RERE: variants seen among roughly 807,000 people sequenced by gnomAD.
RERE encodes arginine-glutamic acid dipeptide repeats, also known as arginine-glutamic acid dipeptide repeats protein.
In RERE, 40 loss-of-function variants were observed where a neutral mutation model predicts 146.1. The observed-to-expected ratio is 0.27, with a 90% CI of 0.21 to 0.36. The LOEUF is 0.36. Ranked by LOEUF, RERE falls within the 10% of genes least tolerant of loss-of-function variation. The pLI, the probability that RERE is intolerant of heterozygous loss-of-function variation, is 1.00. For synonymous variants in RERE, 1,003 were observed against 866.0 expected, an observed-to-expected ratio of 1.16 and a Z score of -2.78; for missense variants, 1,933 against 2,138.7, an observed-to-expected ratio of 0.90 and a Z score of 1.90.
chr1:8,781,846 A>G (rs1641171406), intron 1 of RERE, among the ~76,000 whole-genome samples: 1 of 152,074 alleles, frequency 6.6e-6, no homozygotes, highest in South Asian at 2.1e-4. Flanking sequence ...ATCTTAATAT[A>G]AAAGAAATCT....
chr1:8,660,202 C>A (rs1638422535), intron 1 of RERE, among the ~76,000 whole-genome samples: 1 of 152,006 alleles, frequency 6.6e-6, no homozygotes, highest in African/African-American at 2.4e-5. Flanking sequence ...AAATACAGCT[C>A]AATGGGAATA....
chr1:8,728,881 T>G (rs894796314), intron 1 of RERE, among the ~76,000 whole-genome samples: 2 of 152,142 alleles, frequency 1.3e-5, no homozygotes. Context: ...AAATAAACTT[T>G]TATAGCCAGG....
intron 6 of RERE, among the ~76,000 whole-genome samples, chr1:8,546,683 A>C (rs1222906860): frequency 1.3e-5 from 2 of 152,018 alleles, no homozygotes. Context: ...CCTTGTCTCT[A>C]CTAAAAATAC....
At chr1:8,691,948 T>C (rs1190634092) in intron 1 of RERE, among the ~76,000 whole-genome samples, 3 of 152,230 alleles carry the variant, frequency 2.0e-5, no homozygotes, top group Admixed American at 1.3e-4. Flanking sequence ...CAATTATTAC[T>C]GGATATATTA....
intron 1 of RERE, among the ~76,000 whole-genome samples, chr1:8,684,138 G>C (rs1639034719): frequency 6.6e-6 from 1 of 152,070 alleles, no homozygotes; most frequent in African/African-American, 2.4e-5. Context: ...ACACCAAAAG[G>C]ATCTTAGTAA....
At chr1:8,367,247 A>ACC (rs1557592398) in intron 12 of RERE, among the ~76,000 whole-genome samples, 1 of 152,036 alleles carries the variant, frequency 6.6e-6, no homozygotes, top group Non-Finnish European at 1.5e-5. Flanking sequence ...CATCCAAAAC[A>ACC]CCCCCAGAGG....
At chr1:8,426,957 C>T (rs1430471011) in intron 11 of RERE, among the ~76,000 whole-genome samples, 1 of 152,242 alleles carries the variant, frequency 6.6e-6, no homozygotes, top group Non-Finnish European at 1.5e-5. Context: ...ATAATTACAT[C>T]TTACACCTAG....
chr1:8,500,721 T>G (rs1645122948), intron 8 of RERE, among the ~76,000 whole-genome samples: 1 of 149,710 alleles, frequency 6.7e-6, no homozygotes, highest in Admixed American at 6.6e-5. Flanking sequence ...GTCTGGAAAG[T>G]GAGGAGCGTC....
At position 8,695,870 on chromosome 1, in the gene RERE, T is replaced by C. The variant is rs950455802; in HGVS notation, c.-144-39429A>G. Among the ~76,000 whole-genome samples, 4 of 152,040 alleles carry C rather than the reference T, an allele frequency of 2.6e-5. No individual in the cohort carries two copies. The East Asian group carries it at 7.7e-4, about 29-fold the overall frequency. On this transcript the variant is annotated intron_variant, in intron 1 of 22. Coordinates refer to ENST00000400908, the MANE Select transcript of RERE (RefSeq NM_001042681.2). ...AATACCCAGAATCTATAAGGAACTT[T>C]AACAATACAACAAGCAGAAAACAAA...
At chr1:8,531,220 G>C (rs921386576) in intron 7 of RERE, among the ~76,000 whole-genome samples, 1 of 152,062 alleles carries the variant, frequency 6.6e-6, no homozygotes, top group East Asian at 1.9e-4. Flanking sequence ...GAAGTGGTGG[G>C]TGACTTGAGG....
chr1:8,649,010 T>A (rs1481727018), intron 2 of RERE, among the ~76,000 whole-genome samples: 1 of 152,166 alleles, frequency 6.6e-6, no homozygotes, highest in Non-Finnish European at 1.5e-5. Flanking sequence ...GTTAGTTTTT[T>A]AACCAGTTCT....
intron 11 of RERE, among the ~76,000 whole-genome samples, chr1:8,444,993 G>A (rs549780407): frequency 1.2e-4 from 18 of 151,856 alleles, no homozygotes; most frequent in Non-Finnish European, 2.2e-4. Context: ...TTAAAAGAGT[G>A]AGGGGACAAT....
At chr1:8,414,614 G>C (rs1643711668) in intron 12 of RERE, among the ~76,000 whole-genome samples, 2 of 151,524 alleles carry the variant, frequency 1.3e-5, no homozygotes, top group South Asian at 2.1e-4. Context: ...CCACAATTGA[G>C]AGGATTCAGA....
chr1:8,709,129 C>G (rs1639617484), intron 1 of RERE, among the ~76,000 whole-genome samples: 1 of 151,838 alleles, frequency 6.6e-6, no homozygotes, highest in African/African-American at 2.4e-5. Flanking sequence ...ACCGTGTTAG[C>G]CAGGATGGTC....
intron 1 of RERE, among the ~76,000 whole-genome samples, chr1:8,763,397 C>T (rs1002021679): frequency 6.6e-6 from 1 of 152,294 alleles, no homozygotes; most frequent in South Asian, 2.1e-4. Flanking sequence ...CTTCGGGAGA[C>T]TGAGGCGCAT....
At position 8,583,539 on chromosome 1, in the gene RERE, T is replaced by C. The variant is rs895740985; in HGVS notation, c.523-26016A>G. 3.9e-5 allele frequency among the ~76,000 whole-genome samples: 6 copies of C among 152,266 alleles called. No individual in the cohort carries two copies. The South Asian group carries it at 8.3e-4, about 21-fold the overall frequency. On this transcript the variant is annotated intron_variant, in intron 4 of 22. Transcript: ENST00000400908. ...CAGCAGGTCAGAACCCCCAGAGACCTTGCAGGGCTAAAGGGGCTGAAGTCA... is the reference window on the plus strand; with the variant it reads ...CAGCAGGTCAGAACCCCCAGAGACCCTGCAGGGCTAAAGGGGCTGAAGTCA...
intron 8 of RERE, among the ~76,000 whole-genome samples, chr1:8,499,752 T>C (rs1013806579): frequency 1.3e-5 from 2 of 152,252 alleles, no homozygotes; most frequent in East Asian, 1.9e-4. Flanking sequence ...TGGTTAAGTA[T>C]TGACTTCTCT....
chr1:8,495,456 AG>A (rs1382998057), intron 9 of RERE, among the ~76,000 whole-genome samples: 5 of 152,194 alleles, frequency 3.3e-5, no homozygotes, highest in Admixed American at 6.5e-5. Context: ...CTGAGATTAC[AG>A]GAACACCCCA....
intron 12 of RERE, among the ~76,000 whole-genome samples, chr1:8,397,139 C>G (rs1238513783): frequency 6.6e-6 from 1 of 152,238 alleles, no homozygotes; most frequent in Non-Finnish European, 1.5e-5. Context: ...TCTGCAACCA[C>G]ACTGCCCAAG....
Sources: gnomAD v4.1 joint callset for allele counts (sites outside exome capture counted in the v4.1 genomes callset) on GRCh38, gnomAD v4.1.1 for gene constraint, MANE v1.5 for transcripts, NCBI Gene and HGNC (gene_info 2026-07-23, HGNC 2026-07-21) for gene names.